SLC17A1: variants seen among roughly 807,000 people sequenced by gnomAD.
SLC17A1 encodes the protein sodium-dependent phosphate transport protein 1.
SLC17A1 carries 51 observed loss-of-function variants against 53.5 expected under a neutral mutation model. That is an observed-to-expected ratio of 0.95 (90% CI 0.76 to 1.20). The LOEUF (loss-of-function observed/expected upper bound fraction) is 1.20, where lower values mean the gene tolerates loss of function less well. Among genes scored for constraint, SLC17A1 ranks in the 50% most tolerant of loss-of-function variants. The probability of loss-of-function intolerance (pLI) is 0.00; values close to 1 mark genes in which losing one functional copy is unlikely to be tolerated. For missense variants in SLC17A1, 538 were observed against 568.2 expected (o/e 0.95, Z 0.54); for synonymous variants, 179 against 198.8 (o/e 0.90, Z 0.84).
At chr6:25,806,010 C>T (rs1402125471) in intron 10 of SLC17A1, among the ~76,000 whole-genome samples, 2 of 152,036 alleles carry the variant, frequency 1.3e-5, no homozygotes, top group Non-Finnish European at 2.9e-5. Flanking sequence ...AGAGGGAATC[C>T]TCCTTAACTC....
chr6:25,730,866 A>G, the SLC17A1 span, among the ~76,000 whole-genome samples: 118 of 152,344 alleles, frequency 7.7e-4, no homozygotes, highest in African/African-American at 2.4e-3. Context: ...GCAGACAAAA[A>G]TGTTAGCGGT....
intron 3 of SLC17A1, among the ~76,000 whole-genome samples, chr6:25,825,334 G>T (rs1764703882): frequency 6.6e-6 from 1 of 151,952 alleles, no homozygotes; most frequent in Admixed American, 6.6e-5. Flanking sequence ...AAAATTGAAA[G>T]ACAATAAAGG....
the SLC17A1 span, among the ~76,000 whole-genome samples, chr6:25,747,639 T>C: frequency 6.6e-6 from 1 of 152,262 alleles, no homozygotes; most frequent in Non-Finnish European, 1.5e-5. Context: ...GATTAGATCA[T>C]GAGGCTGGAT....
the SLC17A1 span, among the ~76,000 whole-genome samples, chr6:25,773,970 G>A: frequency 6.6e-6 from 1 of 151,930 alleles, no homozygotes; most frequent in Admixed American, 6.6e-5. Flanking sequence ...AGGGCCCTGT[G>A]CAAAAATTTT....
chr6:25,831,834 T>C (rs1193365387), intron 1 of SLC17A1, among the ~76,000 whole-genome samples, 160 bp downstream of exon 1: 2 of 152,162 alleles, frequency 1.3e-5, no homozygotes, highest in African/African-American at 4.8e-5. Flanking sequence ...CTTTTTTCTC[T>C]TGTGAAAAGC....
chr6:25,779,115 T>G, downstream of SLC17A1: 1 of 1,613,956 alleles, frequency 6.2e-7, no homozygotes, highest in Middle Eastern at 1.7e-4. Context: ...ATATCGGGCC[T>G]GGTTTTCTAC....
downstream of SLC17A1, chr6:25,782,872 A>G (rs1763295476): frequency 6.6e-6 from 1 of 152,228 alleles, no homozygotes; most frequent in South Asian, 2.1e-4. Context: ...AGAAAGAATA[A>G]AAGTTAAAAA....
At chr6:25,749,555 T>C in the SLC17A1 span, among the ~76,000 whole-genome samples, 1 of 152,258 alleles carries the variant, frequency 6.6e-6, no homozygotes, top group African/African-American at 2.4e-5. Context: ...AATTAGACAC[T>C]GCTTACTTCT....
intron 10 of SLC17A1, among the ~76,000 whole-genome samples, chr6:25,809,923 G>A (rs986122872): frequency 1.3e-5 from 2 of 152,004 alleles, no homozygotes; most frequent in African/African-American, 2.4e-5. Flanking sequence ...TAGATACATA[G>A]ACCAATGGAG....
At chr6:25,827,479 A>T (rs1764792288) in intron 2 of SLC17A1, among the ~76,000 whole-genome samples, 1 of 152,206 alleles carries the variant, frequency 6.6e-6, no homozygotes, top group Non-Finnish European at 1.5e-5. Flanking sequence ...GATACCAGAC[A>T]GTATATACTA....
At chr6:25,788,002 A>G (rs1207797222) in intron 12 of SLC17A1, among the ~76,000 whole-genome samples, 1 of 152,198 alleles carries the variant, frequency 6.6e-6, no homozygotes, top group Non-Finnish European at 1.5e-5. Context: ...TGCTGAGTGC[A>G]TTAGTTTGTT....
chr6:25,726,004 G>A, the SLC17A1 span: 8 of 836,018 alleles, frequency 9.6e-6, no homozygotes, highest in Non-Finnish European at 1.5e-5. Context: ...TGACAGGCAA[G>A]TAAGATGGCT....
At chr6:25,781,625 T>A (rs10946798), downstream of SLC17A1, among the ~76,000 whole-genome samples, 2 of 152,040 alleles carry the variant, frequency 1.3e-5, no homozygotes, top group Non-Finnish European at 2.9e-5. Context: ...AGGCAACTTC[T>A]GCTCATAGTG....
At chr6:25,726,774 T>C in the SLC17A1 span, 3 of 1,180,376 alleles carry the variant, frequency 2.5e-6, no homozygotes, top group South Asian at 1.5e-5. Flanking sequence ...ATCCTCCAGT[T>C]CTGTTTGTTT....
At chr6:25,822,068 T>C (rs779205948) in intron 3 of SLC17A1, among the ~76,000 whole-genome samples, 16 of 152,166 alleles carry the variant, frequency 1.1e-4, no homozygotes, top group Non-Finnish European at 2.2e-4. Context: ...TTGGTACACT[T>C]AAAAAAGAAT....
At chr6:25,800,503 C>G (rs1165212) in intron 11 of SLC17A1, among the ~76,000 whole-genome samples, 6,970 of 152,094 alleles carry the variant, frequency 0.046, 454 homozygotes, top group African/African-American at 0.14. Context: ...CCTTCATAGT[C>G]AGACTTAGAT....
At chr6:25,822,734 C>G (rs1764608093) in intron 3 of SLC17A1, among the ~76,000 whole-genome samples, 1 of 151,884 alleles carries the variant, frequency 6.6e-6, no homozygotes, top group Non-Finnish European at 1.5e-5. Flanking sequence ...AGTATTTAAA[C>G]CAAAGCACTG....
chr6:25,805,876 T>G (rs1200329544), intron 10 of SLC17A1, among the ~76,000 whole-genome samples: 1 of 151,724 alleles, frequency 6.6e-6, no homozygotes, highest in Non-Finnish European at 1.5e-5. Flanking sequence ...TCAGTAATTT[T>G]AAAAAATTGC....
chr6:25,747,956 C>T, the SLC17A1 span, among the ~76,000 whole-genome samples: 117 of 152,214 alleles, frequency 7.7e-4, 1 homozygote, highest in South Asian at 7.7e-3. Context: ...TTTATAATTC[C>T]AAGCCAAAAG....
Sources: allele counts gnomAD v4.1 joint callset (sites outside exome capture counted in the v4.1 genomes callset), GRCh38; gene constraint gnomAD v4.1.1; transcripts MANE v1.5; gene names NCBI Gene and HGNC (gene_info 2026-07-23, HGNC 2026-07-21).